SEC14L5: variants seen among roughly 807,000 people sequenced by gnomAD.
SEC14L5 encodes SEC14 like lipid binding 5, also known as SEC14-like protein 5.
Under a neutral mutation model 84.6 loss-of-function variants are expected in SEC14L5, and 96 were observed. That is an observed-to-expected ratio of 1.13 (90% CI 0.96 to 1.34). The LOEUF is 1.34. Among genes scored for constraint, SEC14L5 ranks in the 40% most tolerant of loss-of-function variants. The pLI is 0.00. For synonymous variants in SEC14L5, 546 were observed against 383.4 expected (o/e 1.42, Z -4.95); for missense variants, 1,224 against 942.5 (o/e 1.30, Z -3.91).
At chr16:4,987,516 GC>G (rs751548072) in intron 2 of SEC14L5, 40 bp from the exon 3 acceptor site, 42 of 1,411,890 alleles carry the variant, frequency 3.0e-5, no homozygotes, top group Middle Eastern at 2.0e-4. Context: ...GGGTCCCTCT[GC>G]CCCCCCCACC....
At chr16:5,006,596 G>T (rs1955734650) in intron 12 of SEC14L5, among the ~76,000 whole-genome samples, 1 of 152,170 alleles carries the variant, frequency 6.6e-6, no homozygotes, top group Admixed American at 6.5e-5. Flanking sequence ...CATCTCATAT[G>T]GCCCCCAGTG....
chr16:4,973,831 T>C (rs536554328), intron 2 of SEC14L5, among the ~76,000 whole-genome samples: 1 of 151,886 alleles, frequency 6.6e-6, no homozygotes, highest in South Asian at 2.1e-4. Flanking sequence ...TCCAGGTGCA[T>C]GCCACCATGC....
In SEC14L5 at chr16:5,007,373, C is replaced by T; in HGVS notation, c.1459C>T (p.Leu487=). 6.2e-7 allele frequency: 1 copy of T among 1,613,846 alleles called. No homozygotes were observed. Among genetic ancestry groups the T allele is most frequent in the South Asian group, 1.1e-5 (1 of 91,064 alleles). ...GCAGTGTAATGTCCCCGAAGGAGGG[C>T]TGGTCCCCAAGTCCCTCTACATGAC... ...ESVCNVPEGG[L]VPKSLYMTEE... is the part of the protein sequence containing the mutation. Residue 487 remains leucine, a synonymous_variant, in exon 13 of 16, where the codon CTG becomes TTG. Transcript: ENST00000251170.
chr16:5,010,314 A>C (rs1439457080), intron 14 of SEC14L5, among the ~76,000 whole-genome samples: 1 of 151,072 alleles, frequency 6.6e-6, no homozygotes, highest in African/African-American at 2.4e-5. Flanking sequence ...CAGTGAGCTG[A>C]GATCATGCCA....
At chr16:4,975,111 G>C (rs907669726) in intron 2 of SEC14L5, among the ~76,000 whole-genome samples, 3 of 152,078 alleles carry the variant, frequency 2.0e-5, no homozygotes, top group Non-Finnish European at 4.4e-5. Context: ...ACTTATAAGT[G>C]AGAACATATG....
At chr16:5,013,062 T>A (rs1955824986) in intron 15 of SEC14L5, among the ~76,000 whole-genome samples, 1 of 151,774 alleles carries the variant, frequency 6.6e-6, no homozygotes, top group African/African-American at 2.4e-5. Context: ...CCACACACTT[T>A]TACACCATCA....
At chr16:5,010,866 G>C in intron 14 of SEC14L5, 1 of 514,494 alleles carries the variant, frequency 1.9e-6, no homozygotes, top group Non-Finnish European at 3.5e-6. Context: ...CCAGGCGTCA[G>C]CTCCTCCCCA....
intron 2 of SEC14L5, among the ~76,000 whole-genome samples, chr16:4,980,929 A>C (rs1955415420): frequency 6.6e-6 from 1 of 152,076 alleles, no homozygotes; most frequent in African/African-American, 2.4e-5. Flanking sequence ...AGCATCTGGA[A>C]CAGCAAGTGC....
At chr16:4,977,013 G>A (rs1185954119) in intron 2 of SEC14L5, among the ~76,000 whole-genome samples, 3 of 152,314 alleles carry the variant, frequency 2.0e-5, no homozygotes, top group East Asian at 1.9e-4. Flanking sequence ...TGGGAGGTAT[G>A]AAAGGCACAG....
At chr16:4,996,832 C>CT in intron 7 of SEC14L5, 23 bp from the exon 8 acceptor site, 1 of 1,593,758 alleles carries the variant, frequency 6.3e-7, no homozygotes, top group Non-Finnish European at 8.6e-7. Context: ...GTTCTGTGGG[C>CT]TTTTTACTTC....
chr16:4,999,556 G>T (rs890236553), intron 8 of SEC14L5, among the ~76,000 whole-genome samples: 3 of 151,968 alleles, frequency 2.0e-5, no homozygotes, highest in African/African-American at 7.3e-5. Context: ...GGAGGTTCAG[G>T]CTGCAGTGAG....
chr16:4,988,061 A>T (rs1568125800), intron 3 of SEC14L5, 88 bp from the exon 4 acceptor site: 4 of 1,430,016 alleles, frequency 2.8e-6, no homozygotes, highest in Non-Finnish European at 3.9e-6. Context: ...GCAGGGGGTG[A>T]CTGGGGCAGG....
At chr16:5,014,361 C>T (rs1596649386) in intron 15 of SEC14L5, among the ~76,000 whole-genome samples, 2 of 152,200 alleles carry the variant, frequency 1.3e-5, no homozygotes, top group East Asian at 3.9e-4. Context: ...CCAGCCTGGG[C>T]AGCATAGTGA....
At chr16:4,996,096 A>G (rs1006247225) in intron 6 of SEC14L5, among the ~76,000 whole-genome samples, 1 of 152,142 alleles carries the variant, frequency 6.6e-6, no homozygotes, top group Admixed American at 6.5e-5. Context: ...CCCAGGGTCA[A>G]AGAGGAGAAA....
intron 13 of SEC14L5, among the ~76,000 whole-genome samples, chr16:5,007,983 C>G (rs148809942): frequency 0.029 from 4,331 of 149,384 alleles, 97 homozygotes; most frequent in Non-Finnish European, 0.044. Context: ...TGTTGGCTCA[C>G]TGCAACTTCT....
At chr16:4,961,576 G>A (rs928940578) in intron 2 of SEC14L5, among the ~76,000 whole-genome samples, 12 of 152,160 alleles carry the variant, frequency 7.9e-5, no homozygotes, top group African/African-American at 2.9e-4. Flanking sequence ...TGATCCACTA[G>A]CCTCGGCCTC....
At chr16:4,977,075 T>C (rs2908649) in intron 2 of SEC14L5, among the ~76,000 whole-genome samples, 150,346 of 152,330 alleles carry the variant, frequency 0.99, 74,228 homozygotes, top group East Asian at 1. Flanking sequence ...GCAGGGTGCC[T>C]GCGGCCCACA....
intron 15 of SEC14L5, among the ~76,000 whole-genome samples, chr16:5,011,901 G>A (rs960635296): frequency 3.3e-5 from 5 of 152,184 alleles, no homozygotes; most frequent in Non-Finnish European, 5.9e-5. Context: ...GTCTGGAGGC[G>A]GAGCAGGCAG....
intron 2 of SEC14L5, among the ~76,000 whole-genome samples, chr16:4,973,527 T>C (rs539409635): frequency 5.9e-4 from 90 of 152,154 alleles, no homozygotes; most frequent in South Asian, 3.7e-3. Flanking sequence ...CTACGAAAAG[T>C]TGGGGGGTCT....
Sources: gnomAD v4.1 joint callset for allele counts (sites outside exome capture counted in the v4.1 genomes callset) on GRCh38, gnomAD v4.1.1 for gene constraint, MANE v1.5 for transcripts, NCBI Gene and HGNC (gene_info 2026-07-23, HGNC 2026-07-21) for gene names.